ARID1B: variants seen among roughly 807,000 people sequenced by gnomAD.
ARID1B encodes the protein AT-rich interaction domain 1B, also known as AT-rich interactive domain-containing protein 1B.
In ARID1B, 30 loss-of-function variants were observed where a neutral mutation model predicts 212.3. The observed-to-expected ratio is 0.14, with a 90% CI of 0.11 to 0.19. The LOEUF (loss-of-function observed/expected upper bound fraction) is 0.19, where lower values mean the gene tolerates loss of function less well. Ranked by LOEUF, ARID1B falls within the 10% of genes least tolerant of loss-of-function variation. The pLI, the probability that ARID1B is intolerant of heterozygous loss-of-function variation, is 1.00. For synonymous variants in ARID1B, 1,402 were observed against 1,301.7 expected, an observed-to-expected ratio of 1.08 and a Z score of -1.66; for missense variants, 2,891 against 3,204.0, an observed-to-expected ratio of 0.90 and a Z score of 2.36.
At position 157,206,870 on chromosome 6, in the gene ARID1B, C is replaced by T; in HGVS notation, c.6098C>T (p.Ala2033Val). 1 of 1,614,154 alleles carries T rather than the reference C, an allele frequency of 6.2e-7. No homozygotes were observed. Among genetic ancestry groups the T allele is most frequent in the Non-Finnish European group, 8.5e-7 (1 of 1,180,040 alleles). Reference protein sequence around the residue: ...SSKFPFGIQQAKSHRNIKLLE... With the variant: ...SSKFPFGIQQVKSHRNIKLLE... Reference sequence around the variant, plus strand: ...AAGTTTCCCTTTGGTATCCAGCAAGCCAAAAGTCACCGGAACATCAAGCTG... The same window carrying T: ...AAGTTTCCCTTTGGTATCCAGCAAGTCAAAAGTCACCGGAACATCAAGCTG... The change falls in exon 20 of 20, where the codon GCC becomes GTC. Residue 2033 changes from alanine to valine, a missense_variant. Ala to Val is a moderately conservative substitution (Grantham distance 64, BLOSUM62 0). Around this residue, in one of 7 missense-constraint regions of ARID1B, gnomAD observed 332 missense variants for 369.2 expected, o/e 0.90. Coordinates refer to ENST00000636930, the MANE Select transcript of ARID1B (RefSeq NM_001374828.1). This position sits in a 1 kb window ranked among gnomAD's most constrained non-coding sequence, Gnocchi z 6.8.
intron 1 of ARID1B, among the ~76,000 whole-genome samples, chr6:156,812,933 GGTGTGTGTGTGTGTGTGT>G (rs71027314): frequency 2.1e-3 from 187 of 89,428 alleles, no homozygotes; most frequent in African/African-American, 6.7e-3. Flanking sequence ...TATAATCCTG[GGTGTGTGTGTGTGTGTGT>G]GTGTGTGTGT....
chr6:157,185,390 C>T (rs890819841), intron 13 of ARID1B: 1 of 152,402 alleles, frequency 6.6e-6, no homozygotes, highest in East Asian at 1.9e-4. Flanking sequence ...GCTGCACCCA[C>T]CGCTCCTGTA....
In ARID1B at chr6:156,778,093, C is replaced by T. The variant is rs1484268936; in HGVS notation, c.413C>T (p.Pro138Leu). The change falls in exon 1 of 20, where the codon CCG (proline) becomes CTG (leucine). Residue 138 changes from proline (P) to leucine (L), a missense_variant. By Grantham distance (98) the Pro-to-Leu change is moderately conservative (BLOSUM62 -3). Transcript: ENST00000636930. ...AAASSSSSSG[P>L]GSAMETGLLP... is the part of the protein sequence containing the mutation. Reference sequence around the variant, plus strand: ...GCATCCTCTTCCTCCTCGTCGGGCCCGGGCTCGGCCATGGAGACGGGGCTG... The same window carrying T: ...GCATCCTCTTCCTCCTCGTCGGGCCTGGGCTCGGCCATGGAGACGGGGCTG... 6.5e-7 allele frequency: 1 copy of T among 1,540,484 alleles called. No individual in the cohort carries two copies.
chr6:156,801,688 CT>C (rs533562206), intron 1 of ARID1B, among the ~76,000 whole-genome samples: 8 of 150,428 alleles, frequency 5.3e-5, no homozygotes, highest in African/African-American at 1.2e-4. Context: ...TGTGTTTTTG[CT>C]TTTTTTTTAG....
chr6:157,173,474 T>A (rs1341785796), intron 9 of ARID1B: 1 of 152,302 alleles, frequency 6.6e-6, no homozygotes, highest in East Asian at 1.9e-4. Flanking sequence ...TTTGAAGCCA[T>A]CTGCTGTGAT....
chr6:157,207,947 G>T lies in ARID1B; in HGVS notation c.*56G>T, dbSNP rs1794591690. The stretch of plus-strand genomic sequence containing the variant: ...AAGATTAGAGGGTCACATATAACTG[G>T]CTGTTTTCTGTTCTTGTTTATCCAG... On this transcript the variant is annotated 3_prime_UTR_variant, in exon 20 of 20. Transcript: ENST00000636930. This position sits in a 1 kb window ranked among gnomAD's most constrained non-coding sequence, Gnocchi z 8.5. 4 of 1,415,482 alleles carry T rather than the reference G, an allele frequency of 2.8e-6. No individual in the cohort carries two copies. Among genetic ancestry groups the T allele is most frequent in the African/African-American group, 2.8e-5 (2 of 70,584 alleles). The allele number at this position is 1,415,482 out of a possible 1,614,324, so 87.7% of individuals were successfully genotyped here.
Position 156,893,045 on chromosome 6 carries a change from C to CTTTTTTGTTTTTTTT in ARID1B, c.1987-8325_1987-8324insGTTTTTTTTTTTTTT, listed in dbSNP as rs1554263983. Among the ~76,000 whole-genome samples, 17 of 85,920 alleles carry CTTTTTTGTTTTTTTT rather than the reference C, an allele frequency of 2.0e-4. 1 individual carries two copies. Among genetic ancestry groups the CTTTTTTGTTTTTTTT allele is most frequent in the African/African-American group, 6.1e-4 (13 of 21,322 alleles). 56.4% of individuals were successfully genotyped at this position (85,920 alleles called of 152,430 possible). On this transcript the variant is annotated intron_variant, in intron 2 of 19. Coordinates refer to ENST00000636930, the MANE Select transcript of ARID1B (RefSeq NM_001374828.1). The stretch of plus-strand genomic sequence containing the variant: ...AACTCTTTTTTTTTCTTTTTTCTTC[C>CTTTTTTGTTTTTTTT]TTTTTTTTTTTTTTTGAGATGGAGT...
chr6:157,140,480 A>C (rs548158314), intron 7 of ARID1B: 14 of 394,752 alleles, frequency 3.5e-5, no homozygotes, highest in Non-Finnish European at 4.0e-5. Context: ...GATAAAAATA[A>C]AAAGAACACT....
chr6:157,115,330 C>G (rs923001626), intron 6 of ARID1B, among the ~76,000 whole-genome samples: 16 of 152,188 alleles, frequency 1.1e-4, no homozygotes, highest in African/African-American at 3.9e-4. Context: ...ATTTATTGGG[C>G]TCTCTACTCT....
intron 4 of ARID1B, among the ~76,000 whole-genome samples, chr6:156,947,278 T>C (rs991741376): frequency 1.3e-5 from 2 of 152,256 alleles, no homozygotes; most frequent in Non-Finnish European, 2.9e-5. Flanking sequence ...ATATATACTT[T>C]TGAATGATTT....
intron 2 of ARID1B, among the ~76,000 whole-genome samples, chr6:156,857,126 T>C (rs1056825082): frequency 1.6e-4 from 24 of 152,192 alleles, no homozygotes; most frequent in African/African-American, 5.8e-4. Context: ...GTAATCTCCT[T>C]TGAACCTCAT....
At chr6:156,890,744 T>G (rs999014958) in intron 2 of ARID1B, among the ~76,000 whole-genome samples, 1 of 152,224 alleles carries the variant, frequency 6.6e-6, no homozygotes, top group Non-Finnish European at 1.5e-5. Flanking sequence ...CTTTTTCCTG[T>G]TAGTCAAGAG....
intron 4 of ARID1B, among the ~76,000 whole-genome samples, chr6:157,052,720 G>A (rs957219204): frequency 1.3e-5 from 2 of 152,030 alleles, no homozygotes; most frequent in Admixed American, 6.5e-5. Context: ...AGCAGTTTTC[G>A]TTTGTCTGTC....
chr6:156,794,247 T>C (rs891702820), intron 1 of ARID1B, among the ~76,000 whole-genome samples: 33 of 152,184 alleles, frequency 2.2e-4, no homozygotes, highest in African/African-American at 4.8e-5. Context: ...TGCATTCTTT[T>C]TTTTTTCTTT....
At chr6:156,897,290 T>TCTTCTTCTTCTTCTTCTTC (rs1788555917) in intron 2 of ARID1B, among the ~76,000 whole-genome samples, 1 of 148,654 alleles carries the variant, frequency 6.7e-6, no homozygotes, top group African/African-American at 2.5e-5. Context: ...TTATTATTAT[T>TCTTCTTCTTCTTCTTCTTC]TGAGACAGAG....
At position 156,777,793 on chromosome 6, in the gene ARID1B, G is replaced by C. The variant is rs1318460263; in HGVS notation, c.113G>C (p.Arg38Pro). 1 of 943,230 alleles carries C rather than the reference G, an allele frequency of 1.1e-6. No homozygotes were observed. Among genetic ancestry groups the C allele is most frequent in the Non-Finnish European group, 1.3e-6 (1 of 795,512 alleles). The allele number at this position is 943,230 out of a possible 1,614,324, so 58.4% of individuals were successfully genotyped here. A position where few individuals can be genotyped will look rare whatever the true frequency, so the allele number is the denominator to read the frequency against. ...PPGPRPAPGA[R>P]DLEAGARGAA... is the part of the protein sequence containing the mutation. ...GGGCCGCGGCCGGCGCCCGGAGCCC[G>C]GGACCTGGAGGCGGGGGCGCGCGGC... Residue 38 changes from arginine (R) to proline (P), a missense_variant, in exon 1 of 20, where the codon CGG (arginine) becomes CCG (proline). Arg to Pro is a moderately radical substitution (Grantham distance 103). This residue lies in a region of ARID1B where 1,643 missense variants were observed against 1,544.0 expected (regional missense o/e 1.06). Coordinates refer to ENST00000636930, the MANE Select transcript of ARID1B (RefSeq NM_001374828.1).
rs1778974708 is a variant in ARID1B at position 156,779,130 on chromosome 6, G to T, written c.1450G>T (p.Gly484Cys). 2.4e-6 allele frequency: 3 copies of T among 1,248,436 alleles called. No homozygotes were observed. Among genetic ancestry groups the T allele is most frequent in the Non-Finnish European group, 3.0e-6 (3 of 995,646 alleles). 77.3% of individuals were successfully genotyped at this position (1,248,436 alleles called of 1,614,324 possible). Residue 484 changes from glycine (G) to cysteine (C), a missense_variant, in exon 1 of 20, where the codon GGC becomes TGC. Gly to Cys is a radical substitution (Grantham distance 159). Transcript: ENST00000636930. ...SKAAAGSAAGGFQRFAGQNQH... is the reference protein window; with the variant it reads ...SKAAAGSAAGCFQRFAGQNQH... ...GGCGGCCGCCGGCTCGGCGGCGGGG[G>T]GCTTCCAGCGCTTCGCCGGCCAGAA...
chr6:157,047,765 G>A (rs534145784), intron 4 of ARID1B, among the ~76,000 whole-genome samples: 1 of 152,272 alleles, frequency 6.6e-6, no homozygotes, highest in African/African-American at 2.4e-5. Context: ...TATCTCTGGG[G>A]ACATTATTTT....
chr6:157,031,651 A>G (rs1035977060), intron 4 of ARID1B, among the ~76,000 whole-genome samples: 12 of 152,208 alleles, frequency 7.9e-5, no homozygotes, highest in African/African-American at 2.9e-4. Flanking sequence ...ACTGGAAAAA[A>G]TAAAGGAATA....
Sources: allele counts gnomAD v4.1 joint callset (sites outside exome capture counted in the v4.1 genomes callset), GRCh38; gene constraint gnomAD v4.1.1; regional missense constraint gnomAD v4.1.1; non-coding constraint Gnocchi (gnomAD v3.1); transcripts MANE v1.5; gene names NCBI Gene and HGNC (gene_info 2026-07-23, HGNC 2026-07-21).